LRFN5: variants seen among roughly 807,000 people sequenced by gnomAD.
LRFN5 encodes the protein leucine rich repeat and fibronectin type III domain containing 5.
LRFN5 carries 24 observed loss-of-function variants against 45.6 expected under a neutral mutation model. The observed-to-expected ratio is 0.53, with a 90% CI of 0.38 to 0.74. The LOEUF is 0.74. Ranked by LOEUF, LRFN5 falls within the 30% of genes least tolerant of loss-of-function variation. The pLI, the probability that LRFN5 is intolerant of heterozygous loss-of-function variation, is 0.00. For missense variants in LRFN5, 776 were observed against 861.5 expected (o/e 0.90, Z 1.24); for synonymous variants, 340 against 313.8 (o/e 1.08, Z -0.88).
intron 1 of LRFN5, among the ~76,000 whole-genome samples, chr14:41,640,577 G>A (rs910892719): frequency 6.6e-6 from 1 of 152,072 alleles, no homozygotes; most frequent in African/African-American, 2.4e-5. Flanking sequence ...GTCATGTGGA[G>A]CACTCATAAA....
intron 2 of LRFN5, among the ~76,000 whole-genome samples, chr14:41,848,740 A>G (rs914010410): frequency 2.0e-5 from 3 of 152,086 alleles, no homozygotes; most frequent in Non-Finnish European, 4.4e-5. Context: ...CTGGCTTCAA[A>G]TCATATCTTT....
chr14:41,650,502 A>C (rs144288789), intron 1 of LRFN5, among the ~76,000 whole-genome samples: 1 of 152,124 alleles, frequency 6.6e-6, no homozygotes, highest in Non-Finnish European at 1.5e-5. Context: ...CGGTGAGCTA[A>C]TGGAAATTTA....
chr14:41,887,222 G>T lies in LRFN5; in HGVS notation c.597G>T (p.Arg199=). The change falls in exon 3 of 6, where the codon CGG becomes CGT. Residue 199 remains arginine, a synonymous_variant. Transcript: ENST00000298119. The surrounding 1 kb of genome is among the most constrained non-coding windows in gnomAD (Gnocchi z 4.8). The part of the protein sequence containing the change: ...GTFSHLHKMT[R]LDVTSNKLQK... The stretch of plus-strand genomic sequence containing the variant: ...TCTCCCATTTGCACAAGATGACTCG[G>T]TTAGATGTGACATCAAATAAATTGC... The T allele has an allele frequency of 1.2e-6, 2 of 1,614,142 alleles. No individual in the cohort carries two copies. Among genetic ancestry groups the T allele is most frequent in the Non-Finnish European group, 1.7e-6 (2 of 1,180,028 alleles).
At chr14:41,895,851 CTCTAAACA>C (rs1890922467) in intron 4 of LRFN5, among the ~76,000 whole-genome samples, 2 of 151,838 alleles carry the variant, frequency 1.3e-5, no homozygotes, top group South Asian at 4.1e-4. Context: ...TCTAAGAAAT[CTCTAAACA>C]TAACAAGTCT....
intron 1 of LRFN5, among the ~76,000 whole-genome samples, chr14:41,630,789 T>C (rs769552032): frequency 7.2e-5 from 11 of 152,140 alleles, no homozygotes; most frequent in Non-Finnish European, 7.4e-5. Flanking sequence ...CGATTAGAAA[T>C]TATATTTTCT....
At chr14:41,885,521 G>A (rs1381309716) in intron 2 of LRFN5, among the ~76,000 whole-genome samples, 1 of 152,020 alleles carries the variant, frequency 6.6e-6, no homozygotes, top group Admixed American at 6.6e-5. Flanking sequence ...CGTTAAGATT[G>A]TAAAAGAAGG....
chr14:41,852,195 G>A (rs1889291489), intron 2 of LRFN5, among the ~76,000 whole-genome samples: 2 of 151,770 alleles, frequency 1.3e-5, no homozygotes, highest in African/African-American at 4.8e-5. Flanking sequence ...CTGTTAGAAA[G>A]TACTCTATGA....
chr14:41,619,922 A>G (rs1888061151), intron 1 of LRFN5, among the ~76,000 whole-genome samples: 1 of 152,122 alleles, frequency 6.6e-6, no homozygotes, highest in Non-Finnish European at 1.5e-5. Flanking sequence ...AAATAATGGA[A>G]TGCTCAAACA....
chr14:41,877,399 T>TACAAGTTAGAGAAGGC (rs1329359668), intron 2 of LRFN5, among the ~76,000 whole-genome samples: 4 of 152,162 alleles, frequency 2.6e-5, no homozygotes, highest in African/African-American at 9.7e-5. Context: ...ATTGCATATC[T>TACAAGTTAGAGAAGGC]ACAAGTTAGA....
rs138693752 is a variant in LRFN5, at chr14:41,894,686, C to T, written c.2098+2724C>T. ...AAAAGGTGGGAATGATATTACCTAT[C>T]ATGATGTCTGAAACATAATTGTTGC... On this transcript the variant is annotated intron_variant, in intron 4 of 5. Transcript: ENST00000298119. 18 of 985,174 alleles carry T rather than the reference C, an allele frequency of 1.8e-5. No individual in the cohort carries two copies. In the East Asian group the frequency reaches 1.9e-3, roughly 106 times the overall value. 61.0% of individuals were successfully genotyped at this position (985,174 alleles called of 1,614,324 possible).
chr14:41,699,202 G>C (rs1013573235), intron 1 of LRFN5, among the ~76,000 whole-genome samples: 2 of 151,988 alleles, frequency 1.3e-5, no homozygotes, highest in African/African-American at 4.8e-5. Flanking sequence ...TTCTTACCTT[G>C]TATGTCTCTG....
At chr14:41,724,866 A>G (rs1465871935) in intron 1 of LRFN5, among the ~76,000 whole-genome samples, 1 of 152,116 alleles carries the variant, frequency 6.6e-6, no homozygotes, top group Non-Finnish European at 1.5e-5. Context: ...TACTGTTTGA[A>G]CTTTCTATTT....
intron 2 of LRFN5, among the ~76,000 whole-genome samples, chr14:41,834,016 T>A (rs994893445): frequency 7.9e-5 from 12 of 152,166 alleles, no homozygotes; most frequent in Non-Finnish European, 1.3e-4. Context: ...TTTAGTGCAG[T>A]GGTGTCCTGC....
At chr14:41,759,019 T>G (rs1885534665) in intron 1 of LRFN5, among the ~76,000 whole-genome samples, 1 of 152,134 alleles carries the variant, frequency 6.6e-6, no homozygotes, top group African/African-American at 2.4e-5. Flanking sequence ...TTATTCATAT[T>G]ATATTCCTGG....
chr14:41,753,940 C>A (rs1055382375), intron 1 of LRFN5, among the ~76,000 whole-genome samples: 2 of 152,126 alleles, frequency 1.3e-5, no homozygotes, highest in Non-Finnish European at 2.9e-5. Context: ...TACGTCCCAT[C>A]AATACCTAAT....
At chr14:41,742,361 G>A (rs939933393) in intron 1 of LRFN5, among the ~76,000 whole-genome samples, 4 of 148,258 alleles carry the variant, frequency 2.7e-5, no homozygotes, top group Non-Finnish European at 1.5e-5. Flanking sequence ...ATAATATACA[G>A]CCATAAAAAT....
intron 2 of LRFN5, among the ~76,000 whole-genome samples, chr14:41,795,597 TA>T (rs1355699500): frequency 2.6e-5 from 4 of 151,996 alleles, no homozygotes; most frequent in Non-Finnish European, 5.9e-5. Flanking sequence ...TATGCAGCCA[TA>T]AAAAATGATG....
At chr14:41,901,673 G>A (rs1218305477) in intron 5 of LRFN5, among the ~76,000 whole-genome samples, 3 of 151,978 alleles carry the variant, frequency 2.0e-5, no homozygotes, top group East Asian at 3.9e-4. Flanking sequence ...TATTGATTAT[G>A]AATACATAAC....
chr14:41,870,860 T>A (rs1429305814), intron 2 of LRFN5, among the ~76,000 whole-genome samples: 3 of 152,204 alleles, frequency 2.0e-5, no homozygotes, highest in Non-Finnish European at 4.4e-5. Context: ...CATTTTAGAA[T>A]TATGCCAACA....
Sources: gnomAD v4.1 joint callset for allele counts (sites outside exome capture counted in the v4.1 genomes callset) on GRCh38, gnomAD v4.1.1 for gene constraint, Gnocchi (gnomAD v3.1) non-coding constraint, MANE v1.5 for transcripts, NCBI Gene and HGNC (gene_info 2026-07-23, HGNC 2026-07-21) for gene names.